OGDH: variants seen among roughly 807,000 people sequenced by gnomAD.
OGDH encodes the protein 2-oxoglutarate dehydrogenase complex component E1.
Under a neutral mutation model 116.6 loss-of-function variants are expected in OGDH, and 38 were observed. The observed-to-expected ratio is 0.33, with a 90% confidence interval of 0.25 to 0.43. OGDH has a LOEUF of 0.43. OGDH is among the 20% of genes least tolerant of loss of function. OGDH has a pLI of 1.00. For synonymous variants in OGDH, 488 were observed against 533.3 expected, an observed-to-expected ratio of 0.92 and a Z score of 1.17; for missense variants, 825 against 1,357.2, an observed-to-expected ratio of 0.61 and a Z score of 6.16.
At chr7:44,635,401 G>C (rs911496027) in intron 2 of OGDH, among the ~76,000 whole-genome samples, 1 of 152,202 alleles carries the variant, frequency 6.6e-6, no homozygotes, top group African/African-American at 2.4e-5. Flanking sequence ...TTGAGCATGG[G>C]TGTGGCTCCA....
At chr7:44,669,671 T>C (rs1037806827) in intron 5 of OGDH, among the ~76,000 whole-genome samples, 1 of 152,086 alleles carries the variant, frequency 6.6e-6, no homozygotes, top group Non-Finnish European at 1.5e-5. Flanking sequence ...CTGAAGCACA[T>C]TGAAGGGCTG....
intron 10 of OGDH, among the ~76,000 whole-genome samples, chr7:44,691,168 C>T (rs367604697): frequency 6.6e-6 from 1 of 152,108 alleles, no homozygotes; most frequent in Non-Finnish European, 1.5e-5. Context: ...TTAGAACATA[C>T]TTAGAAATTC....
In OGDH at chr7:44,673,867, T is replaced by A. The variant is rs779557011; in HGVS notation, c.714T>A (p.Phe238Leu). The A allele has an allele frequency of 6.2e-7, 1 of 1,614,232 alleles. No homozygotes were observed. Among genetic ancestry groups the A allele is most frequent in the Non-Finnish European group, 8.5e-7 (1 of 1,180,032 alleles). ...LEQCQWIRQK[F>L]ETPGIMQFTN... ...AGTGCCAGTGGATCCGGCAGAAGTT[T>A]GAGACCCCTGGGATCATGCAGTTCA... The change falls in exon 6 of 23, where the codon TTT becomes TTA. Residue 238 changes from phenylalanine (F) to leucine (L), a missense_variant. Coordinates refer to ENST00000222673, the MANE Select transcript of OGDH (RefSeq NM_002541.4).
intron 5 of OGDH, among the ~76,000 whole-genome samples, chr7:44,670,585 A>T (rs1259345069): frequency 2.0e-5 from 3 of 152,154 alleles, no homozygotes; most frequent in Non-Finnish European, 2.9e-5. Context: ...AGTGTCTGTA[A>T]AGTTGAGATG....
In OGDH at chr7:44,708,143, G is replaced by T. The variant is rs1789170947; in HGVS notation, c.*144G>T. 3 of 1,183,382 alleles carry T rather than the reference G, an allele frequency of 2.5e-6. No homozygotes were observed. Among genetic ancestry groups the T allele is most frequent in the South Asian group, 1.5e-5 (1 of 66,394 alleles). 73.3% of individuals were successfully genotyped at this position (1,183,382 alleles called of 1,614,324 possible). ...CACCCCTCCCTCTGCTCTCATAGGA[G>T]TTAGGCTGTCGTCCCCCTCCAGTGC... On this transcript the variant is annotated 3_prime_UTR_variant, in exon 23 of 23. Coordinates refer to ENST00000222673, the MANE Select transcript of OGDH (RefSeq NM_002541.4).
chr7:44,695,966 G>A, intron 12 of OGDH, 59 bp from the exon 13 acceptor site: 1 of 902,648 alleles, frequency 1.1e-6, no homozygotes, highest in Non-Finnish European at 1.9e-6. Context: ...GGGTACAGGT[G>A]GGCGTGTGCA....
At position 44,705,242 on chromosome 7, in the gene OGDH, C is replaced by T. The variant is rs376702610; in HGVS notation, c.2633-1983C>T. Among the ~76,000 whole-genome samples, 42 of 146,012 alleles carry T rather than the reference C, an allele frequency of 2.9e-4. No homozygotes were observed. The East Asian group carries it at 5.2e-3, about 18-fold the overall frequency. ...TAATTTTTTGTATTTTTAGTAGAGACGGGGTTTCACCGTTTTAGCCGGGAT... is the reference window on the plus strand; with the variant it reads ...TAATTTTTTGTATTTTTAGTAGAGATGGGGTTTCACCGTTTTAGCCGGGAT... On this transcript the variant is annotated intron_variant, in intron 20 of 22. Transcript: ENST00000222673.
chr7:44,651,554 C>G (rs980141908), intron 4 of OGDH, among the ~76,000 whole-genome samples: 13 of 152,024 alleles, frequency 8.6e-5, no homozygotes, highest in African/African-American at 2.9e-4. Flanking sequence ...GATGGTAGGG[C>G]CAGTGGTTTA....
rs1403521882 is a variant in OGDH at position 44,666,708 on chromosome 7, GGCTTGTCCTGCCCACATC to G, written c.518-25_518-8del. The G allele has an allele frequency of 7.0e-7, 1 of 1,427,836 alleles. No homozygotes were observed. The highest frequency in any genetic ancestry group is 1.4e-5 in the African/African-American group (1 of 69,596). 88.4% of individuals were successfully genotyped at this position (1,427,836 alleles called of 1,614,324 possible). A position where few individuals can be genotyped will look rare whatever the true frequency, so the allele number is the denominator to read the frequency against. On this transcript the variant is annotated splice_polypyrimidine_tract_variant and intron_variant, in intron 4 of 22. Coordinates refer to ENST00000222673, the MANE Select transcript of OGDH (RefSeq NM_002541.4). ...GGCTGTGCCCCATCCCTCCTCATCTGGCTTGTCCTGCCCACATCGCCCTGCAGGGTTCTATGGCCTGGA... is the reference window on the plus strand; with the variant it reads ...GGCTGTGCCCCATCCCTCCTCATCTGGCCCTGCAGGGTTCTATGGCCTGGA...
At chr7:44,678,282 C>T (rs1787785388) in intron 9 of OGDH, among the ~76,000 whole-genome samples, 1 of 152,152 alleles carries the variant, frequency 6.6e-6, no homozygotes, top group African/African-American at 2.4e-5. Context: ...TATTTGCACC[C>T]TCCTTGGCTA....
chr7:44,707,532 G>T lies in OGDH; in HGVS notation c.2797-50G>T, dbSNP rs1739099852. On this transcript the variant is annotated intron_variant, in intron 21 of 22. Transcript: ENST00000222673. The surrounding 1 kb of genome is among the most constrained non-coding windows in gnomAD (Gnocchi z 5.2). ...CACCAGTTTCCCTTTGCTGGATCTT[G>T]CCTGCCCTCTGAGTTTCCTCTTTTT... 1.2e-6 allele frequency: 2 copies of T among 1,607,810 alleles called. No individual in the cohort carries two copies. The highest frequency in any genetic ancestry group is 1.7e-5 in the Admixed American group (1 of 59,732).
chr7:44,645,968 A>C (rs1786159168), intron 3 of OGDH, among the ~76,000 whole-genome samples: 1 of 152,190 alleles, frequency 6.6e-6, no homozygotes, highest in Non-Finnish European at 1.5e-5. Flanking sequence ...ATGTGGAGGC[A>C]GGGAGAGGCA....
At position 44,673,813 on chromosome 7, in the gene OGDH, G is replaced by A. The variant is rs1450491714; in HGVS notation, c.660G>A (p.Val220=). ...TGGCCTACTGCCAGCATATTGGGGT[G>A]GAGTTCATGTTCATCAATGACCTGG... The part of the protein sequence containing the change: ...LEMAYCQHIG[V]EFMFINDLEQ... Residue 220 remains valine, a synonymous_variant, in exon 6 of 23, where the codon GTG becomes GTA. Coordinates refer to ENST00000222673, the MANE Select transcript of OGDH (RefSeq NM_002541.4). 7 of 1,614,110 alleles carry A rather than the reference G, an allele frequency of 4.3e-6. No homozygotes were observed. The highest frequency in any genetic ancestry group is 5.1e-6 in the Non-Finnish European group (6 of 1,180,038).
In OGDH at chr7:44,681,798, C is replaced by G; in HGVS notation, c.1285C>G (p.Leu429Val). 1 of 1,614,126 alleles carries G rather than the reference C, an allele frequency of 6.2e-7. No individual in the cohort carries two copies. Among genetic ancestry groups the G allele is most frequent in the Non-Finnish European group, 8.5e-7 (1 of 1,180,008 alleles). ...GTACGAGACCTTCCACCTCAGCGAC[C>G]TGCCATCCTACACAACTCATGGCAC... ...IVYETFHLSD[L>V]PSYTTHGTVH... Residue 429 changes from leucine (L) to valine (V), a missense_variant, in exon 10 of 23, where the codon CTG becomes GTG. Around this residue, in one of 7 missense-constraint regions of OGDH, gnomAD observed 146 missense variants for 317.3 expected, o/e 0.46. Transcript: ENST00000222673.
chr7:44,701,136 A>G (rs1487873213), intron 19 of OGDH, among the ~76,000 whole-genome samples: 1 of 152,236 alleles, frequency 6.6e-6, no homozygotes, highest in Non-Finnish European at 1.5e-5. Context: ...GAGTGTCCCC[A>G]GCAGTCCAAG....
chr7:44,678,217 G>T (rs1787782432), intron 9 of OGDH, among the ~76,000 whole-genome samples: 1 of 152,076 alleles, frequency 6.6e-6, no homozygotes, highest in Admixed American at 6.6e-5. Context: ...GGATGGCCTG[G>T]GCTAAGGTGA....
At chr7:44,656,221 A>T (rs999137157) in intron 4 of OGDH, 10 of 1,154,438 alleles carry the variant, frequency 8.7e-6, no homozygotes, top group Non-Finnish European at 1.2e-5. Flanking sequence ...TACTGTGGTA[A>T]TGGTGTAGGG....
chr7:44,625,807 G>A (rs577311329), intron 2 of OGDH, among the ~76,000 whole-genome samples: 5 of 150,974 alleles, frequency 3.3e-5, no homozygotes, highest in African/African-American at 4.8e-5. Flanking sequence ...TGACACTTAC[G>A]AATTTTTTTT....
Position 44,707,590 on chromosome 7 carries a change from A to T in OGDH, c.2805A>T (p.Pro935=). 6.2e-7 allele frequency: 1 copy of T among 1,613,860 alleles called. No homozygotes were observed. Among genetic ancestry groups the T allele is most frequent in the Non-Finnish European group, 8.5e-7 (1 of 1,180,000 alleles). The change falls in exon 22 of 23, where the codon CCA becomes CCT. Residue 935 remains proline, a synonymous_variant. Transcript: ENST00000222673. The surrounding 1 kb of genome is among the most constrained non-coding windows in gnomAD (Gnocchi z 5.2). ...CCCCTGCTGTCTCCTAGCTGTCGCCATTCCCCTTTGACCTCCTGCTGAAGG... is the reference window on the plus strand; with the variant it reads ...CCCCTGCTGTCTCCTAGCTGTCGCCTTTCCCCTTTGACCTCCTGCTGAAGG... ...VAITRIEQLS[P]FPFDLLLKEV...
Sources: allele counts gnomAD v4.1 joint callset (sites outside exome capture counted in the v4.1 genomes callset), GRCh38; gene constraint gnomAD v4.1.1; regional missense constraint gnomAD v4.1.1; non-coding constraint Gnocchi (gnomAD v3.1); transcripts MANE v1.5; gene names NCBI Gene and HGNC (gene_info 2026-07-23, HGNC 2026-07-21).